The following DNAH14 variants were observed in gnomAD, a reference collection of about 807,000 sequenced individuals.
DNAH14 encodes axonemal beta dynein heavy chain 14.
Under a neutral mutation model 520.9 loss-of-function variants are expected in DNAH14, and 478 were observed. The ratio of observed to expected loss-of-function variants is 0.92; its 90% CI spans 0.85 to 0.99. The LOEUF (loss-of-function observed/expected upper bound fraction) is 0.99. Ranked by LOEUF, DNAH14 falls within the 50% of genes least tolerant of loss-of-function variation. The pLI is 0.00. For synonymous variants in DNAH14, 1,581 were observed against 1,757.2 expected, an observed-to-expected ratio of 0.90 and a Z score of 2.51; for missense variants, 4,831 against 5,234.5, an observed-to-expected ratio of 0.92 and a Z score of 2.38.
intron 17 of DNAH14, among the ~76,000 whole-genome samples, chr1:225,070,155 CA>C (rs1162582311): frequency 3.9e-5 from 6 of 151,948 alleles, no homozygotes; most frequent in African/African-American, 1.4e-4. Flanking sequence ...TCAAAAAACC[CA>C]GCTCCTGGAT....
At position 225,240,729 on chromosome 1, in the gene DNAH14, T is replaced by C. The variant is rs2091916002; in HGVS notation, c.6655T>C (p.Phe2219Leu). The C allele has an allele frequency of 1.9e-6, 3 of 1,550,890 alleles. No homozygotes were observed. Among genetic ancestry groups the C allele is most frequent in the Non-Finnish European group, 2.6e-6 (3 of 1,146,460 alleles). The change falls in exon 43 of 86, where the codon TTT becomes CTT. Residue 2219 changes from phenylalanine to leucine, a missense_variant. Coordinates refer to ENST00000682510, the MANE Select transcript of DNAH14 (RefSeq NM_001367479.1). ...REDEHRENIP[F>L]CPSLEPDSLA... ...AGATGAACACAGAGAAAATATACCA[T>C]TTTGTCCCAGTCTTGAACCTGATTC... is the stretch of plus-strand genomic sequence containing the variant.
chr1:224,960,001 G>A, intron 3 of DNAH14, 152 bp from the exon 4 acceptor site: 1 of 631,698 alleles, frequency 1.6e-6, no homozygotes, highest in East Asian at 3.4e-5. Context: ...ATATGAGCTT[G>A]GAACCCAGGC....
chr1:225,132,193 GTTT>G, intron 27 of DNAH14, among the ~76,000 whole-genome samples: 1 of 148,922 alleles, frequency 6.7e-6, no homozygotes, highest in African/African-American at 2.4e-5. Flanking sequence ...TCAAGTTGTT[GTTT>G]TTTTTTTCAT....
intron 11 of DNAH14, among the ~76,000 whole-genome samples, chr1:225,025,404 G>T (rs1361148618): frequency 1.3e-5 from 2 of 151,438 alleles, no homozygotes; most frequent in Non-Finnish European, 2.9e-5. Flanking sequence ...ACTCTTGCTA[G>T]TTTTACTTAG....
At chr1:225,059,959 A>G (rs2069784985) in intron 17 of DNAH14, among the ~76,000 whole-genome samples, 1 of 151,714 alleles carries the variant, frequency 6.6e-6, no homozygotes, top group South Asian at 2.1e-4. Context: ...TGCCCTTAAC[A>G]TTTTTCCCTT....
chr1:225,043,002 T>C lies in DNAH14; in HGVS notation c.1656T>C (p.Asp552=). 1 of 1,551,814 alleles carries C rather than the reference T, an allele frequency of 6.4e-7. No homozygotes were observed. Among genetic ancestry groups the C allele is most frequent in the Non-Finnish European group, 8.7e-7 (1 of 1,147,016 alleles). ...QCPEECVMFE[D]EMSENKDNCV... is the part of the protein sequence containing the mutation. ...CTGAAGAGTGTGTGATGTTTGAAGA[T>C]GAAATGTCAGAAAATAAAGACAATT... Residue 552 remains aspartate, a synonymous_variant, in exon 13 of 86, where the codon GAT becomes GAC. Transcript: ENST00000682510.
At position 225,399,252 on chromosome 1, in the gene DNAH14, GAGA is replaced by G. The variant is rs1293796849; in HGVS notation, c.13842_13844del (p.Lys4614del). 5 of 1,550,838 alleles carry G rather than the reference GAGA, an allele frequency of 3.2e-6. No individual in the cohort carries two copies. Among genetic ancestry groups the G allele is most frequent in the East Asian group, 2.4e-5 (1 of 40,924 alleles). On this transcript the variant is annotated inframe_deletion, in exon 86 of 86. Coordinates refer to ENST00000682510, the MANE Select transcript of DNAH14 (RefSeq NM_001367479.1). ...CACAATGCGGGTTGCATTGCTTTGT[GAGA>G]AGAATGAAAAATAAATGTCCATATC...
intron 43 of DNAH14, among the ~76,000 whole-genome samples, chr1:225,245,815 T>A (rs1283936401): frequency 6.6e-6 from 1 of 152,108 alleles, no homozygotes; most frequent in African/African-American, 2.4e-5. Context: ...AATTTATAGA[T>A]TCAATGCTAT....
intron 41 of DNAH14, among the ~76,000 whole-genome samples, chr1:225,208,130 G>A (rs56280792): frequency 0.13 from 19,408 of 152,046 alleles, 1,390 homozygotes; most frequent in East Asian, 0.31. Flanking sequence ...GTGCCAGAGT[G>A]GATACAGATT....
intron 33 of DNAH14, among the ~76,000 whole-genome samples, chr1:225,153,193 G>A (rs899129060): frequency 3.3e-5 from 5 of 152,098 alleles, no homozygotes; most frequent in East Asian, 1.9e-4. Context: ...CATCTAGAGC[G>A]ATCATTCTCA....
chr1:225,201,686 G>A (rs1268970287), intron 38 of DNAH14, among the ~76,000 whole-genome samples: 1 of 152,062 alleles, frequency 6.6e-6, no homozygotes, highest in Non-Finnish European at 1.5e-5. Context: ...TGGTACCGGG[G>A]GTTGTCTGCA....
At chr1:225,217,173 A>C (rs193223318) in intron 41 of DNAH14, among the ~76,000 whole-genome samples, 164 of 152,338 alleles carry the variant, frequency 1.1e-3, no homozygotes, top group Non-Finnish European at 1.9e-3. Context: ...AGTCCACTCC[A>C]GACACTGTTT....
chr1:225,311,413 G>A (rs2150132005), intron 60 of DNAH14, among the ~76,000 whole-genome samples: 1 of 152,242 alleles, frequency 6.6e-6, no homozygotes, highest in Admixed American at 6.5e-5. Context: ...TGTTCACTCT[G>A]ATGATAGTTT....
At chr1:225,048,272 G>A (rs551097087) in intron 15 of DNAH14, among the ~76,000 whole-genome samples, 2 of 152,322 alleles carry the variant, frequency 1.3e-5, no homozygotes, top group African/African-American at 2.4e-5. Context: ...AGGCCCAGGT[G>A]GGTGGATCAC....
At chr1:225,000,449 C>T (rs1238031180) in intron 8 of DNAH14, among the ~76,000 whole-genome samples, 1 of 150,846 alleles carries the variant, frequency 6.6e-6, no homozygotes, top group Non-Finnish European at 1.5e-5. Flanking sequence ...ATGTTTCAGC[C>T]ATTATTTCTT....
chr1:225,120,726 G>A (rs1387078414), intron 26 of DNAH14, among the ~76,000 whole-genome samples: 1 of 152,186 alleles, frequency 6.6e-6, no homozygotes, highest in African/African-American at 2.4e-5. Context: ...GATATGATAA[G>A]AACCAGAGTT....
intron 8 of DNAH14, among the ~76,000 whole-genome samples, chr1:224,996,732 A>G (rs143926737): frequency 5.3e-4 from 81 of 152,176 alleles, no homozygotes; most frequent in African/African-American, 1.9e-3. Context: ...CCCTGGCCTA[A>G]TGGTACCACT....
chr1:225,395,658 T>G (rs2096001708), intron 84 of DNAH14: 1 of 152,224 alleles, frequency 6.6e-6, no homozygotes, highest in African/African-American at 2.4e-5. Context: ...ATGTTTTTAG[T>G]TTTTATTGTG....
intron 69 of DNAH14, among the ~76,000 whole-genome samples, chr1:225,344,666 T>G (rs1207188328): frequency 1.3e-5 from 2 of 151,982 alleles, no homozygotes; most frequent in Non-Finnish European, 2.9e-5. Context: ...CCTTAGCTAT[T>G]GTGAATAGTG....
Sources: allele counts gnomAD v4.1 joint callset (sites outside exome capture counted in the v4.1 genomes callset), GRCh38; gene constraint gnomAD v4.1.1; transcripts MANE v1.5; gene names NCBI Gene and HGNC (gene_info 2026-07-23, HGNC 2026-07-21).